RAD52: variants seen among roughly 807,000 people sequenced by gnomAD.
RAD52 encodes RAD52 DNA repair protein.
RAD52 carries 47 observed loss-of-function variants against 55.5 expected under a neutral mutation model. That is an observed-to-expected ratio of 0.85 (90% CI 0.67 to 1.08). The LOEUF is 1.08. Ranked by LOEUF, RAD52 falls within the 50% of genes least tolerant of loss-of-function variation. The pLI is 0.00. For synonymous variants in RAD52, 184 were observed against 198.9 expected, an observed-to-expected ratio of 0.92 and a Z score of 0.63; for missense variants, 468 against 522.8, an observed-to-expected ratio of 0.90 and a Z score of 1.02.
intron 2 of RAD52, among the ~76,000 whole-genome samples, chr12:932,603 T>TC (rs540017846): frequency 1.1e-4 from 17 of 151,110 alleles, no homozygotes; most frequent in East Asian, 7.8e-4. Flanking sequence ...ATGTTATCTA[T>TC]CCCCCCCCAC....
chr12:914,206 T>G, intron 10 of RAD52, 85 bp from the exon 11 acceptor site: 1 of 1,374,644 alleles, frequency 7.3e-7, no homozygotes. Flanking sequence ...CCTCAGAAAT[T>G]CCATGTCTTC....
intron 1 of RAD52, among the ~76,000 whole-genome samples, chr12:958,700 G>A (rs547553859): frequency 9.8e-5 from 15 of 152,336 alleles, no homozygotes; most frequent in African/African-American, 3.4e-4. Context: ...GTGTCTGGCA[G>A]CCTATGGTGT....
intron 1 of RAD52, among the ~76,000 whole-genome samples, chr12:958,800 G>A (rs1049367454): frequency 6.6e-6 from 1 of 152,182 alleles, no homozygotes; most frequent in Admixed American, 6.5e-5. Context: ...AAGTGGCGGT[G>A]GGTGGGGCAC....
At chr12:946,118 G>A (rs949976653) in intron 1 of RAD52, among the ~76,000 whole-genome samples, 6 of 152,136 alleles carry the variant, frequency 3.9e-5, no homozygotes, top group Non-Finnish European at 7.4e-5. Context: ...GAGAACTGCG[G>A]GGCCATACAC....
chr12:935,440 G>A (rs1235396144), intron 1 of RAD52, among the ~76,000 whole-genome samples: 3 of 150,302 alleles, frequency 2.0e-5, no homozygotes, highest in Non-Finnish European at 4.4e-5. Context: ...CCCTGCAGTG[G>A]TGTGGTCTCA....
At chr12:913,825 C>T in intron 11 of RAD52, 69 bp downstream of exon 11, 1 of 1,394,666 alleles carries the variant, frequency 7.2e-7, no homozygotes, top group Non-Finnish European at 1.0e-6. Flanking sequence ...TGTCATCCTT[C>T]CTCAAAAATT....
At chr12:955,823 C>G (rs1449638490) in intron 1 of RAD52, among the ~76,000 whole-genome samples, 2 of 151,884 alleles carry the variant, frequency 1.3e-5, no homozygotes, top group Non-Finnish European at 2.9e-5. Flanking sequence ...CTGTTGCGCC[C>G]AGGCTGGAGT....
chr12:983,933 C>T (rs528650606), intron 1 of RAD52, among the ~76,000 whole-genome samples: 2 of 152,270 alleles, frequency 1.3e-5, no homozygotes, highest in Non-Finnish European at 2.9e-5. Context: ...ATACTTCAGT[C>T]TTTAACAGTG....
At chr12:972,210 GTCT>G (rs917101644) in intron 1 of RAD52, among the ~76,000 whole-genome samples, 8 of 152,136 alleles carry the variant, frequency 5.3e-5, no homozygotes, top group Non-Finnish European at 1.0e-4. Flanking sequence ...ATACAAGAAA[GTCT>G]TCTCTCATGG....
intron 5 of RAD52, among the ~76,000 whole-genome samples, chr12:927,855 GACT>G (rs1175374992): frequency 6.6e-6 from 1 of 151,566 alleles, no homozygotes; most frequent in Non-Finnish European, 1.5e-5. Context: ...GATAGAGTGA[GACT>G]ACGTCTTGGA....
In RAD52 at chr12:912,647, G is replaced by GA. The variant is rs1956149391; in HGVS notation, c.*743_*744insT. ...AAGGCAGAGGTGGGAGTATCACTTG[G>GA]GCCCAAGAGGTTGTGGAGAGAGCTG... On this transcript the variant is annotated 3_prime_UTR_variant, in exon 12 of 12. Coordinates refer to ENST00000358495, the MANE Select transcript of RAD52 (RefSeq NM_134424.4). The GA allele has an allele frequency of 5.8e-6, 1 of 171,736 alleles. No individual in the cohort carries two copies. Among genetic ancestry groups the GA allele is most frequent in the Non-Finnish European group, 1.2e-5 (1 of 80,926 alleles). The allele number at this position is 171,736 out of a possible 1,614,324, so 10.6% of individuals were successfully genotyped here. A position where few individuals can be genotyped will look rare whatever the true frequency, so the allele number is the denominator to read the frequency against.
intron 1 of RAD52, among the ~76,000 whole-genome samples, chr12:944,013 C>G (rs929749149): frequency 1.3e-5 from 2 of 151,742 alleles, no homozygotes; most frequent in African/African-American, 4.8e-5. Flanking sequence ...GTGAGGAGTT[C>G]AAGACCAGCC....
At chr12:962,576 T>C (rs1460950616) in intron 1 of RAD52, among the ~76,000 whole-genome samples, 1 of 151,954 alleles carries the variant, frequency 6.6e-6, no homozygotes, top group Non-Finnish European at 1.5e-5. Flanking sequence ...CTCGATCTCC[T>C]GACCTTGTGA....
chr12:916,732 TTCGG>T lies in RAD52; in HGVS notation c.628_631del (p.Pro210ThrfsTer12), dbSNP rs1956409937. ...CAGCTGTGGGTGTCCCAGGGCCATG[TTCGG>T]TCGGCAGCTGTTGTATCTTGCCTCC... On this transcript the variant is annotated frameshift_variant, in exon 8 of 12. Coordinates refer to ENST00000358495, the MANE Select transcript of RAD52 (RefSeq NM_134424.4). LOFTEE classifies it high-confidence loss of function. The T allele has an allele frequency of 6.8e-6, 11 of 1,614,174 alleles. No homozygotes were observed. The highest frequency in any genetic ancestry group is 7.6e-6 in the Non-Finnish European group (9 of 1,180,024).
At chr12:974,289 T>A (rs1477546177) in intron 1 of RAD52, 1 of 152,196 alleles carries the variant, frequency 6.6e-6, no homozygotes, top group Non-Finnish European at 1.5e-5. Flanking sequence ...AGCACCTCCA[T>A]TTCTTGGCCT....
chr12:985,067 C>T (rs1314477869), intron 1 of RAD52, among the ~76,000 whole-genome samples: 1 of 152,172 alleles, frequency 6.6e-6, no homozygotes, highest in Non-Finnish European at 1.5e-5. Context: ...CCTCGGCCCC[C>T]CAAAGTGCTG....
intron 7 of RAD52, among the ~76,000 whole-genome samples, chr12:920,464 G>C (rs1391895697): frequency 1.3e-5 from 2 of 151,008 alleles, no homozygotes; most frequent in Non-Finnish European, 1.5e-5. Flanking sequence ...GGCTGAGGCA[G>C]GAGAATGGTG....
intron 1 of RAD52, among the ~76,000 whole-genome samples, chr12:954,945 A>G (rs1374584221): frequency 6.6e-6 from 1 of 152,204 alleles, no homozygotes; most frequent in Admixed American, 6.5e-5. Flanking sequence ...AATTTGAAAA[A>G]TTACAGAGAA....
At chr12:969,590 C>T (rs1317723610) in intron 1 of RAD52, among the ~76,000 whole-genome samples, 1 of 151,406 alleles carries the variant, frequency 6.6e-6, no homozygotes, top group Non-Finnish European at 1.5e-5. Flanking sequence ...AGTTTGAGAC[C>T]AGCCTGGGCA....
Sources: allele counts gnomAD v4.1 joint callset (sites outside exome capture counted in the v4.1 genomes callset), GRCh38; gene constraint gnomAD v4.1.1; transcripts MANE v1.5; gene names NCBI Gene and HGNC (gene_info 2026-07-23, HGNC 2026-07-21).